ARHGAP20: variants seen among roughly 807,000 people sequenced by gnomAD.
The protein encoded by ARHGAP20 is Rho GTPase activating protein 20.
Under a neutral mutation model 73.7 loss-of-function variants are expected in ARHGAP20, and 34 were observed. The observed-to-expected ratio is 0.46, with a 90% confidence interval of 0.35 to 0.61. The LOEUF is 0.61. ARHGAP20 is among the 20% of genes least tolerant of loss of function. ARHGAP20 has a pLI of 0.00. For missense variants in ARHGAP20, 1,314 were observed against 1,420.9 expected, an observed-to-expected ratio of 0.92 and a Z score of 1.21; for synonymous variants, 523 against 518.2, an observed-to-expected ratio of 1.01 and a Z score of -0.13.
intron 13 of ARHGAP20, among the ~76,000 whole-genome samples, chr11:110,582,767 A>T (rs1288678159): frequency 6.6e-6 from 1 of 152,216 alleles, no homozygotes; most frequent in African/African-American, 2.4e-5. Flanking sequence ...TATAAAAACT[A>T]TTTCTTGTGT....
At chr11:110,656,264 C>T (rs1255474845) in intron 2 of ARHGAP20, among the ~76,000 whole-genome samples, 1 of 152,034 alleles carries the variant, frequency 6.6e-6, no homozygotes, top group East Asian at 1.9e-4. Flanking sequence ...GATTCTTAGT[C>T]CTTCTTAGGC....
At chr11:110,617,265 C>CA (rs1555088571) in intron 4 of ARHGAP20, among the ~76,000 whole-genome samples, 2 of 143,638 alleles carry the variant, frequency 1.4e-5, no homozygotes, top group African/African-American at 5.1e-5. Flanking sequence ...CTTTTTCTTT[C>CA]TTTTTTTTTT....
At chr11:110,705,144 A>G (rs938777792) in intron 1 of ARHGAP20, among the ~76,000 whole-genome samples, 17 of 152,158 alleles carry the variant, frequency 1.1e-4, no homozygotes, top group African/African-American at 3.9e-4. Context: ...GTAGTCCCAT[A>G]AAGCATAACA....
intron 3 of ARHGAP20, among the ~76,000 whole-genome samples, chr11:110,625,601 T>G (rs1453187539): frequency 1.2e-4 from 19 of 152,068 alleles, no homozygotes. Flanking sequence ...TTGACACAAT[T>G]AACATTCATC....
intron 9 of ARHGAP20, among the ~76,000 whole-genome samples, chr11:110,601,952 G>A (rs184742708): frequency 2.0e-5 from 3 of 150,396 alleles, no homozygotes; most frequent in Admixed American, 2.0e-4. Context: ...TTGTACTCCA[G>A]CCTGGGCGAT....
chr11:110,700,649 T>TA (rs1290836060), intron 1 of ARHGAP20, among the ~76,000 whole-genome samples: 6 of 151,900 alleles, frequency 3.9e-5, no homozygotes, highest in African/African-American at 1.2e-4. Flanking sequence ...GCAGGTTAGT[T>TA]ACATATGTAT....
rs1342317176 is a variant in ARHGAP20 at position 110,580,655 on chromosome 11, C to A, written c.2291G>T (p.Gly764Val). 1 of 1,614,162 alleles carries A rather than the reference C, an allele frequency of 6.2e-7. No individual in the cohort carries two copies. The highest frequency in any genetic ancestry group is 2.2e-5 in the East Asian group (1 of 44,880). ...GGCATTTTTCTTGCTGACATCAGTG[C>A]CTGTGACTAAACTCTGTTTAAAACA... ...KTCFKQSLVT[G>V]TDVSKKNATT... The change falls in exon 15 of 15, where the codon GGC becomes GTC. Residue 764 changes from glycine to valine, a missense_variant. Around this residue, in one of 3 missense-constraint regions of ARHGAP20, gnomAD observed 641 missense variants for 636.9 expected, o/e 1.01. Coordinates refer to ENST00000683387, the MANE Select transcript of ARHGAP20 (RefSeq NM_001384657.1).
Position 110,581,076 on chromosome 11 carries a change from C to A in ARHGAP20, c.1870G>T (p.Asp624Tyr). Residue 624 changes from aspartate to tyrosine, a missense_variant, in exon 15 of 15, where the codon GAT (aspartate) becomes TAT (tyrosine). Transcript: ENST00000683387. ...CCTTCCACCTCGGGCTGGTCAAGAT[C>A]ATAGTCACTGAGGGTTAAGACAGAG... ...MDSVLTLSDYDLDQPEVEGLL... is the reference protein window; with the variant it reads ...MDSVLTLSDYYLDQPEVEGLL... 1 of 1,614,238 alleles carries A rather than the reference C, an allele frequency of 6.2e-7. No individual in the cohort carries two copies. The highest frequency in any genetic ancestry group is 8.5e-7 in the Non-Finnish European group (1 of 1,180,044).
At chr11:110,639,212 C>T (rs927709039) in intron 2 of ARHGAP20, among the ~76,000 whole-genome samples, 4 of 149,344 alleles carry the variant, frequency 2.7e-5, no homozygotes, top group Non-Finnish European at 3.0e-5. Flanking sequence ...TTGGAAACCG[C>T]AGCACACACT....
rs145041084 is a variant in ARHGAP20, at chr11:110,683,244, C to T, written c.188+7303G>A. Among the ~76,000 whole-genome samples, 101 of 152,034 alleles carry T rather than the reference C, an allele frequency of 6.6e-4. 1 individual carries two copies. Among genetic ancestry groups the T allele is most frequent in the African/African-American group, 2.1e-3 (87 of 41,478 alleles). On this transcript the variant is annotated intron_variant, in intron 2 of 14. Coordinates refer to ENST00000683387, the MANE Select transcript of ARHGAP20 (RefSeq NM_001384657.1). ...TCCTAAATAAACAATGAAGAAATAC[C>T]ATAACAATGCCAATATATATGAGAT...
chr11:110,635,322 T>C (rs1591332260), intron 2 of ARHGAP20, among the ~76,000 whole-genome samples: 1 of 152,266 alleles, frequency 6.6e-6, no homozygotes, highest in East Asian at 1.9e-4. Context: ...CTCAGGTTTA[T>C]TGAATCAGAA....
chr11:110,592,626 A>T (rs1285625650), intron 9 of ARHGAP20, among the ~76,000 whole-genome samples: 1 of 152,170 alleles, frequency 6.6e-6, no homozygotes, highest in Non-Finnish European at 1.5e-5. Flanking sequence ...AGTAGGAGTA[A>T]GAGAAGGACA....
At chr11:110,625,189 C>T (rs1948715610) in intron 3 of ARHGAP20, among the ~76,000 whole-genome samples, 1 of 150,566 alleles carries the variant, frequency 6.6e-6, no homozygotes, top group South Asian at 2.1e-4. Flanking sequence ...AGGCGCCCGC[C>T]ACCGCGCCCG....
chr11:110,593,510 T>G (rs555230640), intron 9 of ARHGAP20, among the ~76,000 whole-genome samples: 2 of 152,274 alleles, frequency 1.3e-5, no homozygotes, highest in South Asian at 4.1e-4. Flanking sequence ...GGTCAAAGTG[T>G]GACACTTGGA....
In ARHGAP20 at chr11:110,606,707, T is replaced by A. The variant is rs759269401; in HGVS notation, c.818A>T (p.Asp273Val). ...PYGIKMSHLR[D>V]SALLTPGSKD... Reference sequence around the variant, plus strand: ...TGATCCCGGTGTCAGGAGTGCAGAGTCTCGAAGATGGCTCATTTTAATTCC... The same window carrying A: ...TGATCCCGGTGTCAGGAGTGCAGAGACTCGAAGATGGCTCATTTTAATTCC... Residue 273 changes from aspartate to valine, a missense_variant, in exon 9 of 15, where the codon GAC (aspartate) becomes GTC (valine). Transcript: ENST00000683387. 4 of 1,584,526 alleles carry A rather than the reference T, an allele frequency of 2.5e-6. No individual in the cohort carries two copies. In the South Asian group the frequency reaches 4.6e-5, roughly 18 times the overall value.
In ARHGAP20 at chr11:110,601,138, G is replaced by C. The variant is rs959177073; in HGVS notation, c.964+5423C>G. 4.6e-5 allele frequency among the ~76,000 whole-genome samples: 7 copies of C among 152,230 alleles called. No individual in the cohort carries two copies. In the East Asian group the frequency reaches 1.4e-3, roughly 29 times the overall value. On this transcript the variant is annotated intron_variant, in intron 9 of 14. Coordinates refer to ENST00000683387, the MANE Select transcript of ARHGAP20 (RefSeq NM_001384657.1). ...ACAAGACATGATTTTCCACATAAGAGACCATGCAAAATACCCATTTCCTAG... is the reference window on the plus strand; with the variant it reads ...ACAAGACATGATTTTCCACATAAGACACCATGCAAAATACCCATTTCCTAG...
intron 1 of ARHGAP20, among the ~76,000 whole-genome samples, chr11:110,704,270 A>G (rs1228808123): frequency 6.6e-6 from 1 of 152,180 alleles, no homozygotes; most frequent in Non-Finnish European, 1.5e-5. Flanking sequence ...GACTCAGGTA[A>G]ATAAGGAAAG....
In ARHGAP20 at chr11:110,580,321, A is replaced by T. The variant is rs1385248023; in HGVS notation, c.2625T>A (p.Ala875=). Residue 875 remains alanine (A), a synonymous_variant, in exon 15 of 15, where the codon GCT becomes GCA. Transcript: ENST00000683387. Reference sequence around the variant, plus strand: ...AATCCTCCTCTCCATGCAAGAGACCAGCTTCACAGCTGGTTTTATGTTGTT... The same window carrying T: ...AATCCTCCTCTCCATGCAAGAGACCTGCTTCACAGCTGGTTTTATGTTGTT... The part of the protein sequence containing the change: ...SKKQHKTSCE[A]GLLHGEEDYL... The T allele has an allele frequency of 7.4e-6, 12 of 1,614,242 alleles. No homozygotes were observed. Among genetic ancestry groups the T allele is most frequent in the Non-Finnish European group, 1.0e-5 (12 of 1,180,038 alleles).
intron 1 of ARHGAP20, among the ~76,000 whole-genome samples, chr11:110,699,697 T>C (rs947330251): frequency 1.3e-5 from 2 of 151,960 alleles, no homozygotes; most frequent in Non-Finnish European, 2.9e-5. Context: ...TTTTATCTGA[T>C]ATGAGGATGG....
Sources: gnomAD v4.1 joint callset for allele counts (sites outside exome capture counted in the v4.1 genomes callset) on GRCh38, gnomAD v4.1.1 for gene constraint, gnomAD v4.1.1 regional missense constraint, MANE v1.5 for transcripts, NCBI Gene and HGNC (gene_info 2026-07-23, HGNC 2026-07-21) for gene names.